The following FBXL17 variants were observed in gnomAD, a reference collection of about 807,000 sequenced individuals.
FBXL17 encodes the protein F-box and leucine rich repeat protein 17, also known as F-box/LRR-repeat protein 17.
In FBXL17, 22 loss-of-function variants were observed where a neutral mutation model predicts 66.2. The ratio of observed to expected loss-of-function variants is 0.33; its 90% CI spans 0.24 to 0.47. The LOEUF (loss-of-function observed/expected upper bound fraction) is 0.47, where lower values mean the gene tolerates loss of function less well. FBXL17 is among the 20% of genes least tolerant of loss of function. FBXL17 has a pLI of 1.00. For missense variants in FBXL17, 878 were observed against 948.2 expected (o/e 0.93, Z 0.97); for synonymous variants, 474 against 400.5 (o/e 1.18, Z -2.19).
At chr5:108,373,186 A>G (rs1213502239) in intron 1 of FBXL17, among the ~76,000 whole-genome samples, 1 of 139,828 alleles carries the variant, frequency 7.2e-6, no homozygotes, top group Non-Finnish European at 1.5e-5. Flanking sequence ...ACATATTCTC[A>G]CATTACATAA....
At chr5:108,029,086 A>G (rs1251070239) in intron 6 of FBXL17, among the ~76,000 whole-genome samples, 4 of 152,132 alleles carry the variant, frequency 2.6e-5, no homozygotes, top group African/African-American at 9.7e-5. Context: ...CTTTGTCATT[A>G]ATTTTTAAGC....
chr5:108,090,432 C>A lies in FBXL17; in HGVS notation c.1746-69431G>T, dbSNP rs183767568. ...CTGGCTTCAGCATTTAATGGTCCCC[C>A]CTTTTTTTCCACCATAATATTTCTT... On this transcript the variant is annotated intron_variant, in intron 6 of 8. Coordinates refer to ENST00000542267, the MANE Select transcript of FBXL17 (RefSeq NM_001163315.3). Among the ~76,000 whole-genome samples the A allele has an allele frequency of 3.5e-3, 540 of 152,234 alleles. 3 individuals carry two copies. The highest frequency in any genetic ancestry group is 6.8e-3 in the Middle Eastern group (2 of 294).
At position 108,161,311 on chromosome 5, in the gene FBXL17, C is replaced by T. The variant is rs545932619; in HGVS notation, c.1745+24806G>A. 7.9e-5 allele frequency among the ~76,000 whole-genome samples: 12 copies of T among 152,132 alleles called. No individual in the cohort carries two copies. In the East Asian group the frequency reaches 2.3e-3, roughly 29 times the overall value. ...CAGCCTCGGCAACACAGTGAAACCC[C>T]GTCTCTACTAAAATACAAAAAAAAA... On this transcript the variant is annotated intron_variant, in intron 6 of 8. Transcript: ENST00000542267.
Position 108,186,253 on chromosome 5 carries a change from G to A in FBXL17, c.1615-6C>T, listed in dbSNP as rs1238313426. The A allele has an allele frequency of 5.0e-6, 8 of 1,604,634 alleles. No individual in the cohort carries two copies. The African/African-American group carries it at 8.1e-5, about 16-fold the overall frequency. The stretch of plus-strand genomic sequence containing the variant: ...AAGCTGGAAAGGTTTCTTAGCTAAT[G>A]AGATAAATAAAATGAAAGATGAAAA... On this transcript the variant is annotated splice_region_variant and splice_polypyrimidine_tract_variant and intron_variant, in intron 5 of 8. Coordinates refer to ENST00000542267, the MANE Select transcript of FBXL17 (RefSeq NM_001163315.3).
chr5:108,191,571 A>C (rs1392566085), intron 5 of FBXL17, among the ~76,000 whole-genome samples: 2 of 152,224 alleles, frequency 1.3e-5, no homozygotes, highest in Non-Finnish European at 2.9e-5. Context: ...GGCTGGGATA[A>C]CTTATCAAAT....
chr5:108,306,029 C>T lies in FBXL17; in HGVS notation c.1506+42370G>A, dbSNP rs138358949. 7.8e-3 allele frequency among the ~76,000 whole-genome samples: 1,187 copies of T among 152,090 alleles called. 18 individuals are homozygous for T. Among genetic ancestry groups the T allele is most frequent in the African/African-American group, 0.026 (1,099 of 41,506 alleles). The stretch of plus-strand genomic sequence containing the variant: ...CTGTTGTAGTAATCTGAGTAGATCC[C>T]CAATATCCAAGGGCTGTTACATTTG... On this transcript the variant is annotated intron_variant, in intron 4 of 8. Coordinates refer to ENST00000542267, the MANE Select transcript of FBXL17 (RefSeq NM_001163315.3).
chr5:108,019,074 T>G (rs1754487892), intron 7 of FBXL17, among the ~76,000 whole-genome samples: 1 of 152,310 alleles, frequency 6.6e-6, no homozygotes, highest in Non-Finnish European at 1.5e-5. Context: ...AGAAAAATTC[T>G]AAGTGAATCT....
chr5:107,962,573 A>G (rs949991527), intron 7 of FBXL17, among the ~76,000 whole-genome samples: 2 of 152,152 alleles, frequency 1.3e-5, no homozygotes, highest in African/African-American at 2.4e-5. Context: ...CTGCATGCCA[A>G]GGGAAATTTT....
chr5:108,029,568 A>G (rs930352177), intron 6 of FBXL17, among the ~76,000 whole-genome samples: 5 of 152,170 alleles, frequency 3.3e-5, no homozygotes, highest in African/African-American at 9.6e-5. Context: ...AGAAAGAGGT[A>G]GCAGGTCATG....
At chr5:108,195,937 T>C (rs1561458451) in intron 5 of FBXL17, among the ~76,000 whole-genome samples, 1 of 152,160 alleles carries the variant, frequency 6.6e-6, no homozygotes, top group Non-Finnish European at 1.5e-5. Flanking sequence ...AAGATAGTTT[T>C]GTTTTGAATA....
intron 4 of FBXL17, among the ~76,000 whole-genome samples, chr5:108,274,237 G>A (rs1398351504): frequency 1.3e-5 from 2 of 152,150 alleles, no homozygotes; most frequent in East Asian, 1.9e-4. Context: ...CGGGAGACTG[G>A]AGTCTATCTC....
chr5:108,371,331 C>A (rs1471240366), intron 1 of FBXL17, among the ~76,000 whole-genome samples: 2 of 152,198 alleles, frequency 1.3e-5, no homozygotes, highest in African/African-American at 2.4e-5. Context: ...ATAAAAGCAG[C>A]CCCAGTCATG....
chr5:108,081,775 A>C (rs1444561362), intron 6 of FBXL17, among the ~76,000 whole-genome samples: 2 of 152,070 alleles, frequency 1.3e-5, no homozygotes, highest in African/African-American at 4.8e-5. Context: ...CCTTACAACC[A>C]CATGTTCAAA....
chr5:107,990,627 A>G (rs1753202962), intron 7 of FBXL17, among the ~76,000 whole-genome samples: 1 of 152,336 alleles, frequency 6.6e-6, no homozygotes, highest in African/African-American at 2.4e-5. Context: ...GATTAAGTTG[A>G]TAAATGTGAA....
rs930605277 is a variant in FBXL17, at chr5:108,298,170, T to C, written c.1506+50229A>G. 20 of 976,812 alleles carry C rather than the reference T, an allele frequency of 2.0e-5. No individual in the cohort carries two copies. The African/African-American group carries it at 3.3e-4, about 16-fold the overall frequency. 60.5% of individuals were successfully genotyped at this position (976,812 alleles called of 1,614,324 possible). On this transcript the variant is annotated intron_variant, in intron 4 of 8. Transcript: ENST00000542267. ...AGGGAGCAAGAAACATAAAGTACCCTAGAAATTCTAGAAAGTACAGCTCCA... is the reference window on the plus strand; with the variant it reads ...AGGGAGCAAGAAACATAAAGTACCCCAGAAATTCTAGAAAGTACAGCTCCA...
intron 6 of FBXL17, among the ~76,000 whole-genome samples, chr5:108,172,527 T>C (rs1457184553): frequency 6.6e-6 from 1 of 152,206 alleles, no homozygotes; most frequent in African/African-American, 2.4e-5. Flanking sequence ...ATAGTACCTA[T>C]ATTTTCAACT....
chr5:108,362,513 G>A (rs1447572688), intron 3 of FBXL17, among the ~76,000 whole-genome samples: 2 of 152,016 alleles, frequency 1.3e-5, no homozygotes, highest in Non-Finnish European at 1.5e-5. Flanking sequence ...AGTTTTAAAA[G>A]ATATATACAA....
chr5:108,020,616 T>C (rs1754556772), intron 7 of FBXL17, among the ~76,000 whole-genome samples: 1 of 151,870 alleles, frequency 6.6e-6, no homozygotes, highest in Non-Finnish European at 1.5e-5. Context: ...CAACATTTTA[T>C]TGTTAAACTT....
chr5:108,192,233 T>A (rs1753496613), intron 5 of FBXL17, among the ~76,000 whole-genome samples: 1 of 152,228 alleles, frequency 6.6e-6, no homozygotes, highest in South Asian at 2.1e-4. Context: ...ACATTTTAAT[T>A]AAACTTACTT....
Sources: allele counts gnomAD v4.1 joint callset (sites outside exome capture counted in the v4.1 genomes callset), GRCh38; gene constraint gnomAD v4.1.1; transcripts MANE v1.5; gene names NCBI Gene and HGNC (gene_info 2026-07-23, HGNC 2026-07-21).